Variants in STRBP observed in about 807,000 individuals in gnomAD.
The protein encoded by STRBP is spermatid perinuclear RNA-binding protein.
STRBP carries 13 observed loss-of-function variants against 80.1 expected under a neutral mutation model. The observed-to-expected ratio is 0.16, with a 90% CI of 0.11 to 0.26. The LOEUF is 0.26. STRBP is among the 10% of genes least tolerant of loss of function. STRBP has a pLI of 1.00. For missense variants in STRBP, 485 were observed against 815.2 expected (o/e 0.59, Z 4.93); for synonymous variants, 284 against 291.2 (o/e 0.98, Z 0.25).
downstream of STRBP, among the ~76,000 whole-genome samples, chr9:123,119,265 G>A (rs1008553246): frequency 1.3e-5 from 2 of 152,086 alleles, no homozygotes; most frequent in African/African-American, 2.4e-5. Flanking sequence ...AGATTCCGGA[G>A]GCAGTTGTAA....
intron 2 of STRBP, among the ~76,000 whole-genome samples, chr9:123,227,282 T>C (rs1485708354): frequency 6.6e-6 from 1 of 152,174 alleles, no homozygotes; most frequent in Admixed American, 6.6e-5. Flanking sequence ...TTACTGAATA[T>C]GGTGAGCTTT....
At chr9:123,264,047 C>G (rs868826177) in intron 1 of STRBP, among the ~76,000 whole-genome samples, 1 of 152,140 alleles carries the variant, frequency 6.6e-6, no homozygotes, top group Non-Finnish European at 1.5e-5. Context: ...GGCGTGGTGG[C>G]GGGCACCTGT....
At chr9:123,202,190 G>A (rs2039351776) in intron 2 of STRBP, among the ~76,000 whole-genome samples, 1 of 152,184 alleles carries the variant, frequency 6.6e-6, no homozygotes, top group Non-Finnish European at 1.5e-5. Context: ...TGTATGTTAG[G>A]TGGAGCTAGT....
chr9:123,233,607 G>A (rs1226307335), intron 2 of STRBP, among the ~76,000 whole-genome samples: 1 of 152,194 alleles, frequency 6.6e-6, no homozygotes, highest in African/African-American at 2.4e-5. Flanking sequence ...TGCACTAATT[G>A]CAGAATATAT....
At chr9:123,210,558 C>T (rs1305200840) in intron 2 of STRBP, among the ~76,000 whole-genome samples, 1 of 152,084 alleles carries the variant, frequency 6.6e-6, no homozygotes, top group East Asian at 1.9e-4. Context: ...GCAGGCCGGG[C>T]GCAGTGGCTC....
chr9:123,189,203 G>A (rs1269398316), intron 2 of STRBP, among the ~76,000 whole-genome samples: 41 of 148,006 alleles, frequency 2.8e-4, no homozygotes, highest in South Asian at 8.9e-4. Context: ...GCAAACTATC[G>A]CAAGGACAGA....
chr9:123,128,966 A>G (rs184874593), intron 17 of STRBP, among the ~76,000 whole-genome samples: 196 of 152,352 alleles, frequency 1.3e-3, no homozygotes, highest in Non-Finnish European at 2.2e-3. Flanking sequence ...TTTTTATACC[A>G]TATTAGTAGG....
chr9:123,256,386 T>TA (rs1334397050), intron 1 of STRBP, among the ~76,000 whole-genome samples: 1 of 152,160 alleles, frequency 6.6e-6, no homozygotes. Flanking sequence ...CAGTGTACAG[T>TA]AAGTTGTCAT....
Position 123,192,625 on chromosome 9 carries a change from G to A in STRBP, c.-164-8327C>T, listed in dbSNP as rs374349097. Among the ~76,000 whole-genome samples, 26 of 152,242 alleles carry A rather than the reference G, an allele frequency of 1.7e-4. No homozygotes were observed. In the East Asian group the frequency reaches 4.4e-3, roughly 26 times the overall value. On this transcript the variant is annotated intron_variant, in intron 2 of 18. Coordinates refer to ENST00000348403, the MANE Select transcript of STRBP (RefSeq NM_018387.5). ...AAAGGGAAAGGGGGATAGTGCATAG[G>A]AACAGGAATCTTGTTTTAATCCTTG...
chr9:123,158,268 C>A (rs969311773), intron 10 of STRBP, 64 bp downstream of exon 10: 5 of 1,575,552 alleles, frequency 3.2e-6, no homozygotes, highest in Non-Finnish European at 4.4e-6. Flanking sequence ...TGTTTGAACA[C>A]AATTGAGAAA....
intron 2 of STRBP, among the ~76,000 whole-genome samples, chr9:123,221,487 T>C (rs1362359194): frequency 6.6e-6 from 1 of 152,216 alleles, no homozygotes; most frequent in African/African-American, 2.4e-5. Flanking sequence ...AAATCTACAC[T>C]TTGAAAACAG....
chr9:123,263,655 C>G (rs1412289406), intron 1 of STRBP, among the ~76,000 whole-genome samples: 1 of 151,998 alleles, frequency 6.6e-6, no homozygotes, highest in South Asian at 2.1e-4. Context: ...AAAAATCATT[C>G]CCCCTCAAAT....
At chr9:123,240,255 C>T (rs1186900445) in intron 1 of STRBP, among the ~76,000 whole-genome samples, 3 of 151,934 alleles carry the variant, frequency 2.0e-5, no homozygotes, top group Non-Finnish European at 4.4e-5. Context: ...AGTAGTTACT[C>T]AACCACTTAA....
chr9:123,152,570 A>C (rs892956155), intron 11 of STRBP, among the ~76,000 whole-genome samples: 1 of 152,164 alleles, frequency 6.6e-6, no homozygotes, highest in Non-Finnish European at 1.5e-5. Flanking sequence ...ATTGACACAC[A>C]CAACAACTTG....
At chr9:123,183,139 T>C (rs2038557120) in intron 3 of STRBP, among the ~76,000 whole-genome samples, 1 of 151,922 alleles carries the variant, frequency 6.6e-6, no homozygotes, top group Non-Finnish European at 1.5e-5. Flanking sequence ...TCACTGGTAA[T>C]GTGTTTTTAA....
chr9:123,137,750 G>T (rs2036422161), intron 14 of STRBP, among the ~76,000 whole-genome samples: 1 of 152,132 alleles, frequency 6.6e-6, no homozygotes, highest in Non-Finnish European at 1.5e-5. Flanking sequence ...TGAAAATCAA[G>T]ATTCTCTTAG....
chr9:123,264,111 G>A (rs922535991), intron 1 of STRBP, among the ~76,000 whole-genome samples: 5 of 152,130 alleles, frequency 3.3e-5, no homozygotes, highest in Non-Finnish European at 5.9e-5. Context: ...CCCGGGAGGC[G>A]GAGTTTGCAG....
chr9:123,145,171 A>T (rs1357630769), intron 13 of STRBP, among the ~76,000 whole-genome samples: 1 of 152,226 alleles, frequency 6.6e-6, no homozygotes, highest in African/African-American at 2.4e-5. Context: ...ATCCAGTGTC[A>T]TTCAGATCAT....
At position 123,192,995 on chromosome 9, in the gene STRBP, C is replaced by T. The variant is rs902054695; in HGVS notation, c.-164-8697G>A. On this transcript the variant is annotated intron_variant, in intron 2 of 18. Transcript: ENST00000348403. The stretch of plus-strand genomic sequence containing the variant: ...GCCAGAACACCTTGCAATGTGCTAC[C>T]GCTAAGCTTGAGTTAAACGATTCCC... Among the ~76,000 whole-genome samples, 9 of 152,140 alleles carry T rather than the reference C, an allele frequency of 5.9e-5. No individual in the cohort carries two copies. In the East Asian group the frequency reaches 7.7e-4, roughly 13 times the overall value.
Sources: gnomAD v4.1 joint callset for allele counts (sites outside exome capture counted in the v4.1 genomes callset) on GRCh38, gnomAD v4.1.1 for gene constraint, MANE v1.5 for transcripts, NCBI Gene and HGNC (gene_info 2026-07-23, HGNC 2026-07-21) for gene names.